Variants in SCAI observed in about 807,000 individuals in gnomAD.
The protein encoded by SCAI is protein SCAI.
Under a neutral mutation model 92.2 loss-of-function variants are expected in SCAI, and 24 were observed. The observed-to-expected ratio is 0.26, with a 90% confidence interval of 0.19 to 0.37. SCAI has a LOEUF of 0.37. SCAI is among the 10% of genes least tolerant of loss of function. The pLI, the probability that SCAI is intolerant of heterozygous loss-of-function variation, is 1.00. For missense variants in SCAI, 450 were observed against 736.2 expected (o/e 0.61, Z 4.50); for synonymous variants, 261 against 258.6 (o/e 1.01, Z -0.09).
At chr9:125,064,661 CAT>C (rs1438289887) in intron 2 of SCAI, among the ~76,000 whole-genome samples, 1 of 152,068 alleles carries the variant, frequency 6.6e-6, no homozygotes, top group Admixed American at 6.6e-5. Context: ...GACTGGCCAA[CAT>C]AGTGAAATCC....
At chr9:124,992,552 T>C (rs1165825569) in intron 14 of SCAI, among the ~76,000 whole-genome samples, 1 of 151,974 alleles carries the variant, frequency 6.6e-6, no homozygotes, top group Non-Finnish European at 1.5e-5. Flanking sequence ...CCCAGCTAAT[T>C]TTTTAATTTC....
At position 125,109,220 on chromosome 9, in the gene SCAI, C is replaced by T. The variant is rs560761436; in HGVS notation, c.98+33413G>A. 2.0e-3 allele frequency among the ~76,000 whole-genome samples: 297 copies of T among 151,934 alleles called. 1 individual carries two copies. Among genetic ancestry groups the T allele is most frequent in the South Asian group, 5.2e-3 (25 of 4,794 alleles). On this transcript the variant is annotated intron_variant, in intron 2 of 17. Coordinates refer to ENST00000336505, the MANE Select transcript of SCAI (RefSeq NM_001144877.3). Reference sequence around the variant, plus strand: ...CAAGTACCCAGGGACACAAACACTGCGGAAGGCCGCAGGGTCCTCTGCCTA... The same window carrying T: ...CAAGTACCCAGGGACACAAACACTGTGGAAGGCCGCAGGGTCCTCTGCCTA...
intron 17 of SCAI, among the ~76,000 whole-genome samples, chr9:124,969,819 T>C (rs1466093895): frequency 6.6e-6 from 1 of 152,214 alleles, no homozygotes; most frequent in Non-Finnish European, 1.5e-5. Context: ...CTTACATATG[T>C]GTACCAGGAA....
At chr9:125,035,374 G>T (rs1833173439) in intron 3 of SCAI, among the ~76,000 whole-genome samples, 1 of 151,642 alleles carries the variant, frequency 6.6e-6, no homozygotes, top group African/African-American at 2.4e-5. Context: ...AAAAATGAAA[G>T]AAACAAAGAA....
rs565823615 is a variant in SCAI, at chr9:125,115,359, G to A, written c.98+27274C>T. Among the ~76,000 whole-genome samples the A allele has an allele frequency of 3.5e-4, 41 of 116,610 alleles. 1 individual carries two copies. The South Asian group carries it at 0.012, about 34-fold the overall frequency. The allele number at this position is 116,610 out of a possible 152,430, so 76.5% of individuals were successfully genotyped here. On this transcript the variant is annotated intron_variant, in intron 2 of 17. Coordinates refer to ENST00000336505, the MANE Select transcript of SCAI (RefSeq NM_001144877.3). ...TGCACTCCAGCCTGGGTGACAGAGC[G>A]AGACTCTCCTCAAAAAAAAAAAAAA...
At chr9:125,025,533 A>T (rs1832950510) in intron 6 of SCAI, among the ~76,000 whole-genome samples, 1 of 152,218 alleles carries the variant, frequency 6.6e-6, no homozygotes, top group Non-Finnish European at 1.5e-5. Context: ...GCTCTTTCGC[A>T]TTTTTTAAGA....
intron 2 of SCAI, among the ~76,000 whole-genome samples, chr9:125,134,902 C>G (rs1835488087): frequency 2.0e-5 from 3 of 152,192 alleles, no homozygotes; most frequent in Admixed American, 2.0e-4. Context: ...TCTTGAACTT[C>G]CAGCCTTAGG....
intron 17 of SCAI, among the ~76,000 whole-genome samples, chr9:124,958,414 A>G (rs1256989354): frequency 6.6e-6 from 1 of 152,234 alleles, no homozygotes; most frequent in African/African-American, 2.4e-5. Flanking sequence ...ATCCTTATAC[A>G]TATATGCTTA....
At chr9:124,978,169 C>T (rs1431342242) in intron 14 of SCAI, among the ~76,000 whole-genome samples, 4 of 152,114 alleles carry the variant, frequency 2.6e-5, no homozygotes, top group Non-Finnish European at 5.9e-5. Context: ...TAGCCAGGCG[C>T]GTTGGCTCAC....
intron 2 of SCAI, among the ~76,000 whole-genome samples, chr9:125,100,459 G>A (rs192488743): frequency 2.0e-5 from 3 of 152,146 alleles, no homozygotes; most frequent in Non-Finnish European, 2.9e-5. Context: ...AAGCAGACGA[G>A]TGCCAGCACC....
At chr9:124,977,417 C>T (rs1299685784) in intron 14 of SCAI, among the ~76,000 whole-genome samples, 1 of 152,112 alleles carries the variant, frequency 6.6e-6, no homozygotes, top group Non-Finnish European at 1.5e-5. Context: ...CAGTGGCTCA[C>T]GACTGTAATC....
At chr9:125,104,604 A>T (rs1338342127) in intron 2 of SCAI, among the ~76,000 whole-genome samples, 6 of 40,110 alleles carry the variant, frequency 1.5e-4, no homozygotes, top group Non-Finnish European at 2.7e-4. Context: ...GTTTTACTTT[A>T]AAAAAAAAAA....
At chr9:125,111,547 T>G (rs1834928756) in intron 2 of SCAI, among the ~76,000 whole-genome samples, 1 of 148,954 alleles carries the variant, frequency 6.7e-6, no homozygotes, top group African/African-American at 2.4e-5. Context: ...TTATGAGACT[T>G]TTTTTGTGAA....
chr9:125,014,061 AC>A (rs1010232623), intron 9 of SCAI, among the ~76,000 whole-genome samples: 16 of 152,044 alleles, frequency 1.1e-4, no homozygotes, highest in African/African-American at 2.9e-4. Context: ...TGACAAACCC[AC>A]AGCCAATATC....
At chr9:125,138,351 G>A (rs916112682) in intron 2 of SCAI, among the ~76,000 whole-genome samples, 2 of 150,002 alleles carry the variant, frequency 1.3e-5, no homozygotes, top group African/African-American at 2.5e-5. Flanking sequence ...CACTTCCTGG[G>A]TCCAAGCGAT....
chr9:125,094,592 C>G (rs1834506542), intron 2 of SCAI, among the ~76,000 whole-genome samples: 2 of 152,202 alleles, frequency 1.3e-5, no homozygotes, highest in Admixed American at 1.3e-4. Context: ...GCCTCGACCT[C>G]CTGGGCTCAA....
At chr9:125,039,110 G>A (rs577780623) in intron 3 of SCAI, among the ~76,000 whole-genome samples, 100 of 152,142 alleles carry the variant, frequency 6.6e-4, no homozygotes, top group African/African-American at 2.2e-3. Context: ...ATCTGGGGCC[G>A]GGTGCAGTGG....
At chr9:124,992,211 C>A (rs1300599064) in intron 14 of SCAI, among the ~76,000 whole-genome samples, 1 of 152,066 alleles carries the variant, frequency 6.6e-6, no homozygotes. Context: ...AGACACTGCA[C>A]CCAGCCTACA....
intron 2 of SCAI, among the ~76,000 whole-genome samples, chr9:125,107,229 T>C (rs1348913682): frequency 1.3e-5 from 2 of 151,492 alleles, no homozygotes; most frequent in Non-Finnish European, 2.9e-5. Context: ...GCCAACATAG[T>C]GAAACCCCGT....
Sources: allele counts gnomAD v4.1 joint callset (sites outside exome capture counted in the v4.1 genomes callset), GRCh38; gene constraint gnomAD v4.1.1; transcripts MANE v1.5; gene names NCBI Gene and HGNC (gene_info 2026-07-23, HGNC 2026-07-21).